COL25A1: variants seen among roughly 807,000 people sequenced by gnomAD.
COL25A1 encodes the protein collagen type XXV alpha 1 chain.
A neutral mutation model predicts 128.4 loss-of-function variants in COL25A1; 103 were observed. The observed-to-expected ratio is 0.80, with a 90% CI of 0.68 to 0.94. COL25A1 has a LOEUF of 0.94. Ranked by LOEUF, COL25A1 falls within the 40% of genes least tolerant of loss-of-function variation. The pLI, the probability that COL25A1 is intolerant of heterozygous loss-of-function variation, is 0.00. For synonymous variants in COL25A1, 279 were observed against 277.2 expected (o/e 1.01, Z -0.06); for missense variants, 745 against 840.0 (o/e 0.89, Z 1.40).
intron 3 of COL25A1, among the ~76,000 whole-genome samples, chr4:109,273,619 G>T (rs1279201208): frequency 6.6e-6 from 1 of 152,106 alleles, no homozygotes; most frequent in Non-Finnish European, 1.5e-5. Context: ...TGACCCAGTG[G>T]TTTCCAATAT....
At chr4:109,056,273 A>C (rs1761437622) in intron 3 of COL25A1, among the ~76,000 whole-genome samples, 1 of 152,098 alleles carries the variant, frequency 6.6e-6, no homozygotes, top group Admixed American at 6.5e-5. Flanking sequence ...GTTTGCTAGT[A>C]AGATTTTTAC....
intron 3 of COL25A1, among the ~76,000 whole-genome samples, chr4:109,119,129 C>T (rs1767882182): frequency 6.6e-6 from 1 of 151,970 alleles, no homozygotes; most frequent in African/African-American, 2.4e-5. Context: ...AAGAAGAACT[C>T]TCAAGAGAAC....
At chr4:109,049,842 T>C (rs186743925) in intron 4 of COL25A1, among the ~76,000 whole-genome samples, 3 of 152,156 alleles carry the variant, frequency 2.0e-5, no homozygotes, top group Non-Finnish European at 4.4e-5. Context: ...CACGCCATTG[T>C]ACATAGAAAG....
rs1192172309 is a variant in COL25A1 at position 108,811,495 on chromosome 4, T to A, written c.*2432A>T. On this transcript the variant is annotated 3_prime_UTR_variant, in exon 38 of 38. Coordinates refer to ENST00000399132, the MANE Select transcript of COL25A1 (RefSeq NM_198721.4). Reference sequence around the variant, plus strand: ...ATCGTCTCCTGAAGCTGTGCAAGTTTTAAATAGTGATCCATTTCAATCCAC... The same window carrying A: ...ATCGTCTCCTGAAGCTGTGCAAGTTATAAATAGTGATCCATTTCAATCCAC... 2 of 152,078 alleles carry A rather than the reference T, an allele frequency of 1.3e-5. No homozygotes were observed. Among genetic ancestry groups the A allele is most frequent in the East Asian group, 3.8e-4 (2 of 5,196 alleles). 9.4% of individuals were successfully genotyped at this position (152,078 alleles called of 1,614,324 possible). A position where few individuals can be genotyped will look rare whatever the true frequency, so the allele number is the denominator to read the frequency against.
Position 108,813,885 on chromosome 4 carries a change from G to A in COL25A1, c.*42C>T, listed in dbSNP as rs752758068. 2.7e-6 allele frequency: 4 copies of A among 1,498,614 alleles called. No homozygotes were observed. The highest frequency in any genetic ancestry group is 3.9e-5 in the Admixed American group (2 of 50,920). 92.8% of individuals were successfully genotyped at this position (1,498,614 alleles called of 1,614,324 possible). ...TTTTCAACTATAAATATTAAAAATG[G>A]ACCCTTATATACACAACTTCATGCT... On this transcript the variant is annotated 3_prime_UTR_variant, in exon 38 of 38. Transcript: ENST00000399132.
rs1753043227 is a variant in COL25A1, at chr4:108,982,171, G to A, written c.439-7612C>T. 3.3e-5 allele frequency among the ~76,000 whole-genome samples: 5 copies of A among 152,154 alleles called. 1 individual carries two copies. The highest frequency in any genetic ancestry group is 3.3e-4 in the Admixed American group (5 of 15,274). On this transcript the variant is annotated intron_variant, in intron 6 of 37. Coordinates refer to ENST00000399132, the MANE Select transcript of COL25A1 (RefSeq NM_198721.4). ...ATCGTGCCACTGCACTCCAGCCTGG[G>A]CAACAGAGTGAGACTCTGTCTCAAA...
At chr4:109,211,405 T>G (rs1033945457) in intron 3 of COL25A1, among the ~76,000 whole-genome samples, 9 of 149,502 alleles carry the variant, frequency 6.0e-5, no homozygotes, top group African/African-American at 2.2e-4. Flanking sequence ...TTTTCCTTTC[T>G]GATCATCTCC....
chr4:109,069,377 G>A (rs544553574), intron 3 of COL25A1, among the ~76,000 whole-genome samples: 1 of 152,046 alleles, frequency 6.6e-6, no homozygotes, highest in East Asian at 1.9e-4. Context: ...ACAGCCAGCT[G>A]ATTTATTTTT....
chr4:108,982,054 C>T (rs762177529), intron 6 of COL25A1, among the ~76,000 whole-genome samples: 6 of 151,656 alleles, frequency 4.0e-5, no homozygotes, highest in East Asian at 1.9e-4. Flanking sequence ...ATTAGCCAGG[C>T]GTGGTGGCAT....
intron 19 of COL25A1, among the ~76,000 whole-genome samples, chr4:108,873,982 C>T (rs989943194): frequency 2.0e-5 from 3 of 151,960 alleles, no homozygotes; most frequent in African/African-American, 4.8e-5. Context: ...CTAGAATCTC[C>T]TAAAATGTCT....
chr4:108,979,286 C>T (rs1752726517), intron 6 of COL25A1, among the ~76,000 whole-genome samples: 1 of 152,084 alleles, frequency 6.6e-6, no homozygotes, highest in African/African-American at 2.4e-5. Flanking sequence ...TTTTCCTATG[C>T]TCTATTGTCT....
intron 8 of COL25A1, among the ~76,000 whole-genome samples, chr4:108,973,221 T>C (rs1752096355): frequency 6.6e-6 from 1 of 152,210 alleles, no homozygotes; most frequent in Non-Finnish European, 1.5e-5. Context: ...TTTATTCACA[T>C]CCATGACAGT....
At chr4:109,081,856 A>C (rs1335213152) in intron 3 of COL25A1, among the ~76,000 whole-genome samples, 2 of 152,060 alleles carry the variant, frequency 1.3e-5, no homozygotes, top group Non-Finnish European at 2.9e-5. Flanking sequence ...GGCATGTGCC[A>C]CCACGCCCGG....
intron 3 of COL25A1, among the ~76,000 whole-genome samples, chr4:109,202,730 C>G (rs972610843): frequency 6.6e-6 from 1 of 152,058 alleles, no homozygotes; most frequent in Non-Finnish European, 1.5e-5. Context: ...GATTATCTAT[C>G]GATCAATTGA....
chr4:109,250,033 C>T (rs1780543279), intron 3 of COL25A1, among the ~76,000 whole-genome samples: 2 of 152,066 alleles, frequency 1.3e-5, no homozygotes, highest in Non-Finnish European at 2.9e-5. Context: ...GATGGGCAAC[C>T]AGTAGTACTG....
chr4:108,812,772 C>A lies in COL25A1; in HGVS notation c.*1155G>T, dbSNP rs1249947919. The A allele has an allele frequency of 6.6e-6, 1 of 152,162 alleles. No homozygotes were observed. The highest frequency in any genetic ancestry group is 1.5e-5 in the Non-Finnish European group (1 of 68,030). The allele number at this position is 152,162 out of a possible 1,614,324, so 9.4% of individuals were successfully genotyped here. A position where few individuals can be genotyped will look rare whatever the true frequency, so the allele number is the denominator to read the frequency against. On this transcript the variant is annotated 3_prime_UTR_variant, in exon 38 of 38. Coordinates refer to ENST00000399132, the MANE Select transcript of COL25A1 (RefSeq NM_198721.4). Reference sequence around the variant, plus strand: ...GTAGGAGGAAGGAAAGCTCTCACAACAACTTTGGCACAGATTGTCCCAGTA... The same window carrying A: ...GTAGGAGGAAGGAAAGCTCTCACAAAAACTTTGGCACAGATTGTCCCAGTA...
Position 109,301,842 on chromosome 4 carries a change from G to A in COL25A1, c.178C>T (p.Gln60Ter). Residue 60 changes from glutamine (Q) to a stop codon, truncating the protein, a stop_gained, in exon 2 of 38, where the codon CAG (glutamine) becomes TAG (stop). Transcript: ENST00000399132. LOFTEE classifies it high-confidence loss of function. ...LYLGVKTNDLQARIAALESAK... is the reference protein window; with the variant it reads ...LYLGVKTNDL Reference sequence around the variant, plus strand: ...GATTCGAGAGCGGCGATCCTCGCCTGGAGGTCGTTGGTTTTCACACCCAGG... The same window carrying A: ...GATTCGAGAGCGGCGATCCTCGCCTAGAGGTCGTTGGTTTTCACACCCAGG... 1 of 1,614,242 alleles carries A rather than the reference G, an allele frequency of 6.2e-7. No individual in the cohort carries two copies. Among genetic ancestry groups the A allele is most frequent in the Non-Finnish European group, 8.5e-7 (1 of 1,180,054 alleles).
chr4:109,295,803 G>A (rs1178696906), intron 3 of COL25A1, among the ~76,000 whole-genome samples: 1 of 152,040 alleles, frequency 6.6e-6, no homozygotes, highest in African/African-American at 2.4e-5. Context: ...TATGAATCTT[G>A]CTTGCCTATG....
rs961781941 is a variant in COL25A1, at chr4:109,104,721, GA to G, written c.368-54543del. Among the ~76,000 whole-genome samples, 2 of 150,846 alleles carry G rather than the reference GA, an allele frequency of 1.3e-5. 1 individual carries two copies. The highest frequency in any genetic ancestry group is 1.3e-4 in the Admixed American group (2 of 15,168). ...AAATTAACTAATTTCTTCAACAACA[GA>G]AAAAAAAGAGAGAGAGAGGCAACCT... On this transcript the variant is annotated intron_variant, in intron 3 of 37. Transcript: ENST00000399132.
Sources: gnomAD v4.1 joint callset for allele counts (sites outside exome capture counted in the v4.1 genomes callset) on GRCh38, gnomAD v4.1.1 for gene constraint, MANE v1.5 for transcripts, NCBI Gene and HGNC (gene_info 2026-07-23, HGNC 2026-07-21) for gene names.